The following PALLD variants were observed in gnomAD, a reference collection of about 807,000 sequenced individuals.
PALLD encodes the protein palladin.
Under a neutral mutation model 123.5 loss-of-function variants are expected in PALLD, and 61 were observed. The ratio of observed to expected loss-of-function variants is 0.49; its 90% CI spans 0.40 to 0.61. The LOEUF is 0.61. PALLD is among the 20% of genes least tolerant of loss of function. PALLD has a pLI of 0.00. For missense variants in PALLD, 1,273 were observed against 1,377.0 expected, an observed-to-expected ratio of 0.92 and a Z score of 1.20; for synonymous variants, 465 against 496.4, an observed-to-expected ratio of 0.94 and a Z score of 0.84.
rs35464064 is a variant in PALLD, at chr4:168,660,593, T to TAC, written c.909-7581_909-7580dup. On this transcript the variant is annotated intron_variant, in intron 2 of 21. Coordinates refer to ENST00000505667, the MANE Select transcript of PALLD (RefSeq NM_001166108.2). ...AGGAATCATTATGCAACAACAACAATACACACACACACACACATATGTATG... is the reference window on the plus strand; with the variant it reads ...AGGAATCATTATGCAACAACAACAATACACACACACACACACACATATGTATG... Among the ~76,000 whole-genome samples, 163 of 151,168 alleles carry TAC rather than the reference T, an allele frequency of 1.1e-3. No individual in the cohort carries two copies. In the East Asian group the frequency reaches 0.011, roughly 11 times the overall value.
At chr4:168,618,786 C>T (rs990350723) in intron 2 of PALLD, among the ~76,000 whole-genome samples, 1 of 152,224 alleles carries the variant, frequency 6.6e-6, no homozygotes, top group East Asian at 1.9e-4. Flanking sequence ...AAGGAAAATA[C>T]TGACTGCTAT....
intron 10 of PALLD, chr4:168,832,256 G>A (rs1389136134): frequency 1.1e-6 from 1 of 908,248 alleles, no homozygotes; most frequent in Non-Finnish European, 1.3e-6. Context: ...GCCGCGAGTC[G>A]GGAGTGCAGG....
chr4:168,885,787 A>G (rs1753249728), intron 10 of PALLD, among the ~76,000 whole-genome samples: 1 of 152,204 alleles, frequency 6.6e-6, no homozygotes, highest in African/African-American at 2.4e-5. Context: ...TGAATGCAAT[A>G]TAAACTGTGT....
At chr4:168,604,378 AC>A (rs1464616108) in intron 2 of PALLD, among the ~76,000 whole-genome samples, 11 of 152,336 alleles carry the variant, frequency 7.2e-5, no homozygotes, top group Non-Finnish European at 1.0e-4. Flanking sequence ...TATCTATGAA[AC>A]ACACAACACC....
intron 10 of PALLD, among the ~76,000 whole-genome samples, chr4:168,772,607 A>G (rs1734604070): frequency 6.6e-6 from 1 of 152,186 alleles, no homozygotes; most frequent in African/African-American, 2.4e-5. Context: ...TGTGAATGAT[A>G]GAGGTACACA....
At chr4:168,669,156 G>A (rs762910685) in intron 3 of PALLD, among the ~76,000 whole-genome samples, 13 of 152,110 alleles carry the variant, frequency 8.5e-5, no homozygotes, top group Non-Finnish European at 1.5e-4. Context: ...AATCCTTGAG[G>A]TCTGTACTTT....
chr4:168,651,965 G>A (rs1183540095), intron 2 of PALLD, among the ~76,000 whole-genome samples: 1 of 152,084 alleles, frequency 6.6e-6, no homozygotes, highest in Non-Finnish European at 1.5e-5. Context: ...TGTTTGCTTT[G>A]TTTTTGTTTT....
chr4:168,746,534 C>T (rs1458344051), intron 10 of PALLD, among the ~76,000 whole-genome samples: 2 of 152,020 alleles, frequency 1.3e-5, no homozygotes, highest in Admixed American at 1.3e-4. Flanking sequence ...GGAGCTAGCA[C>T]AGTCCTTAGT....
chr4:168,806,083 G>A (rs911307315), intron 10 of PALLD, among the ~76,000 whole-genome samples: 27 of 152,074 alleles, frequency 1.8e-4, no homozygotes, highest in African/African-American at 6.5e-4. Context: ...TATTTTTTGA[G>A]TTGGAGTTTC....
intron 8 of PALLD, among the ~76,000 whole-genome samples, chr4:168,691,830 A>G (rs1434531828): frequency 6.6e-6 from 1 of 152,090 alleles, no homozygotes; most frequent in Non-Finnish European, 1.5e-5. Context: ...ACTCTTAATT[A>G]TCAGGTCGTT....
chr4:168,841,303 G>A (rs867901), intron 10 of PALLD, among the ~76,000 whole-genome samples: 52,341 of 152,106 alleles, frequency 0.34, 9,656 homozygotes, highest in Non-Finnish European at 0.42. Context: ...TTGAAAATGT[G>A]CATCAAGGGC....
At chr4:168,883,658 T>C (rs1203641741) in intron 10 of PALLD, among the ~76,000 whole-genome samples, 2 of 152,230 alleles carry the variant, frequency 1.3e-5, no homozygotes. Context: ...TGGAAAATTT[T>C]ACCTTCCAGA....
At chr4:168,498,656 G>A (rs540087948) in intron 1 of PALLD, among the ~76,000 whole-genome samples, 3 of 152,320 alleles carry the variant, frequency 2.0e-5, no homozygotes, top group African/African-American at 7.2e-5. Flanking sequence ...GTGTCCCGGT[G>A]AAATTACAGC....
intron 10 of PALLD, among the ~76,000 whole-genome samples, chr4:168,773,176 T>C (rs1428661236): frequency 6.6e-6 from 1 of 152,226 alleles, no homozygotes; most frequent in African/African-American, 2.4e-5. Context: ...TTGTTTAGAA[T>C]ATAACAATAA....
chr4:168,732,684 G>T (rs190046809), intron 10 of PALLD, among the ~76,000 whole-genome samples: 2 of 152,108 alleles, frequency 1.3e-5, no homozygotes, highest in African/African-American at 4.8e-5. Context: ...TTCTAATCTC[G>T]ACGTAATTCA....
At chr4:168,816,407 A>ATT (rs975657048) in intron 10 of PALLD, among the ~76,000 whole-genome samples, 8 of 135,628 alleles carry the variant, frequency 5.9e-5, no homozygotes, top group African/African-American at 2.0e-4. Flanking sequence ...ATATATATAT[A>ATT]TATATATTTT....
Position 168,745,248 on chromosome 4 carries a change from A to T in PALLD, c.1964+33325A>T, listed in dbSNP as rs183629952. ...TTAGTAGCAACTATTCATCTTCGTC[A>T]TCATTATCATGATCATCAAAGCTGG... On this transcript the variant is annotated intron_variant, in intron 10 of 21. Coordinates refer to ENST00000505667, the MANE Select transcript of PALLD (RefSeq NM_001166108.2). Among the ~76,000 whole-genome samples the T allele has an allele frequency of 8.5e-4, 129 of 152,312 alleles. 1 individual carries two copies. Among genetic ancestry groups the T allele is most frequent in the African/African-American group, 2.9e-3 (121 of 41,568 alleles).
At chr4:168,652,096 A>C (rs1003860453) in intron 2 of PALLD, among the ~76,000 whole-genome samples, 3 of 152,132 alleles carry the variant, frequency 2.0e-5, no homozygotes, top group Non-Finnish European at 1.5e-5. Flanking sequence ...GTGAAGCGTC[A>C]CATACCGCGT....
At chr4:168,508,648 T>C (rs1762242762) in intron 1 of PALLD, among the ~76,000 whole-genome samples, 1 of 152,160 alleles carries the variant, frequency 6.6e-6, no homozygotes. Context: ...TTTCAGGCCA[T>C]AATAAATAAA....
Sources: allele counts gnomAD v4.1 joint callset (sites outside exome capture counted in the v4.1 genomes callset), GRCh38; gene constraint gnomAD v4.1.1; transcripts MANE v1.5; gene names NCBI Gene and HGNC (gene_info 2026-07-23, HGNC 2026-07-21).